Variants in CCDC62 observed in about 807,000 individuals in gnomAD.
CCDC62 encodes the protein coiled-coil domain-containing protein 62.
A neutral mutation model predicts 80.8 loss-of-function variants in CCDC62; 72 were observed. That is an observed-to-expected ratio of 0.89 (90% CI 0.74 to 1.08). The LOEUF is 1.08. Among genes scored for constraint, CCDC62 ranks in the 50% least tolerant of loss-of-function variants. CCDC62 has a pLI of 0.00. For missense variants in CCDC62, 704 were observed against 809.4 expected (o/e 0.87, Z 1.58); for synonymous variants, 286 against 296.5 (o/e 0.96, Z 0.36).
Position 122,774,698 on chromosome 12 carries a change from G to A in CCDC62, c.28G>A (p.Gly10Arg), listed in dbSNP as rs768433124. 2.4e-6 allele frequency: 3 copies of A among 1,256,856 alleles called. No individual in the cohort carries two copies. Among genetic ancestry groups the A allele is most frequent in the Non-Finnish European group, 2.0e-6 (2 of 991,736 alleles). 77.9% of individuals were successfully genotyped at this position (1,256,856 alleles called of 1,614,324 possible). The stretch of plus-strand genomic sequence containing the variant: ...GAACCCTCCGGCAGCCTTCCTTGCC[G>A]GGCGCCAGGTAAGCAGCGGTTCCGG... MNPPAAFLA[G>R]RQNIGSEVEI... Residue 10 changes from glycine to arginine, a missense_variant, in exon 1 of 13, where the codon GGG (glycine) becomes AGG (arginine). Physicochemically the swap from Gly to Arg is moderately radical, Grantham distance 125 (BLOSUM62 -2). Coordinates refer to ENST00000253079, the MANE Select transcript of CCDC62 (RefSeq NM_201435.5).
intron 4 of CCDC62, among the ~76,000 whole-genome samples, chr12:122,787,748 T>TG (rs1347156128): frequency 6.7e-6 from 1 of 149,392 alleles, no homozygotes; most frequent in Non-Finnish European, 1.5e-5. Flanking sequence ...AGACTTCATC[T>TG]GGAAAAAAAA....
intron 6 of CCDC62, among the ~76,000 whole-genome samples, chr12:122,794,301 C>T (rs1371467889): frequency 1.3e-5 from 2 of 152,034 alleles, no homozygotes; most frequent in African/African-American, 2.4e-5. Flanking sequence ...CTCAAGTGAT[C>T]CTCCCACCTC....
chr12:122,816,183 A>G (rs2032156067), intron 11 of CCDC62, among the ~76,000 whole-genome samples: 1 of 152,228 alleles, frequency 6.6e-6, no homozygotes, highest in Non-Finnish European at 1.5e-5. Context: ...AACTTTTCAA[A>G]GTGGAAACCG....
chr12:122,800,063 A>G (rs2031199637), intron 8 of CCDC62, among the ~76,000 whole-genome samples: 1 of 151,596 alleles, frequency 6.6e-6, no homozygotes. Context: ...GTGCAACCTC[A>G]GCTCACTGCA....
chr12:122,800,019 G>T (rs932517548), intron 8 of CCDC62, among the ~76,000 whole-genome samples: 1 of 151,850 alleles, frequency 6.6e-6, no homozygotes, highest in African/African-American at 2.4e-5. Context: ...TTTGAGATGG[G>T]GTCTTGCTCT....
rs1290709261 is a variant in CCDC62 at position 122,826,955 on chromosome 12, C to G, written c.*574C>G. Reference sequence around the variant, plus strand: ...AATATAAAATGTAACTGGAAAATAGCTCGAGGTCCTTCTGTCCCAAGCTGA... The same window carrying G: ...AATATAAAATGTAACTGGAAAATAGGTCGAGGTCCTTCTGTCCCAAGCTGA... On this transcript the variant is annotated 3_prime_UTR_variant, in exon 13 of 13. Transcript: ENST00000253079. 6.6e-6 allele frequency: 1 copy of G among 152,528 alleles called. No individual in the cohort carries two copies. Among genetic ancestry groups the G allele is most frequent in the African/African-American group, 2.4e-5 (1 of 41,422 alleles). 9.4% of individuals were successfully genotyped at this position (152,528 alleles called of 1,614,324 possible).
intron 5 of CCDC62, among the ~76,000 whole-genome samples, chr12:122,789,734 C>T (rs1420579425): frequency 1.3e-5 from 2 of 152,084 alleles, no homozygotes; most frequent in Admixed American, 6.5e-5. Context: ...CACACCCAGC[C>T]GATCTTTGCT....
At chr12:122,822,060 AACACACACACACAC>A (rs58108370) in intron 11 of CCDC62, among the ~76,000 whole-genome samples, 1 of 115,764 alleles carries the variant, frequency 8.6e-6, no homozygotes, top group Non-Finnish European at 1.7e-5. Flanking sequence ...TATAAATTTA[AACACACACACACAC>A]ACACACACAC....
intron 10 of CCDC62, among the ~76,000 whole-genome samples, chr12:122,806,633 C>T (rs2031622084): frequency 6.6e-6 from 1 of 151,806 alleles, no homozygotes; most frequent in African/African-American, 2.4e-5. Flanking sequence ...CACATGCCAC[C>T]ACGCCCAGCT....
At chr12:122,793,714 C>T (rs2030769906) in intron 6 of CCDC62, among the ~76,000 whole-genome samples, 1 of 152,008 alleles carries the variant, frequency 6.6e-6, no homozygotes. Context: ...CTCGGCCTCT[C>T]AAAATGCTGG....
At chr12:122,798,654 A>G (rs563005684) in intron 8 of CCDC62, among the ~76,000 whole-genome samples, 5 of 151,070 alleles carry the variant, frequency 3.3e-5, no homozygotes, top group Non-Finnish European at 7.4e-5. Flanking sequence ...GTTCGCGGGT[A>G]TATGTAATCC....
intron 12 of CCDC62, among the ~76,000 whole-genome samples, chr12:122,824,747 G>A (rs1347004670): frequency 3.9e-5 from 6 of 152,110 alleles, no homozygotes; most frequent in African/African-American, 1.2e-4. Context: ...GCAAAAATAC[G>A]GAACCAGCGC....
chr12:122,775,407 C>G (rs1879377960), intron 1 of CCDC62, among the ~76,000 whole-genome samples: 1 of 152,154 alleles, frequency 6.6e-6, no homozygotes, highest in African/African-American at 2.4e-5. Flanking sequence ...TTTGTGTACT[C>G]GGCTTACTGC....
At chr12:122,819,563 C>T (rs1483531929) in intron 11 of CCDC62, among the ~76,000 whole-genome samples, 1 of 152,134 alleles carries the variant, frequency 6.6e-6, no homozygotes, top group Non-Finnish European at 1.5e-5. Context: ...CATTGCTTTA[C>T]AATAGCAAAT....
chr12:122,823,565 A>C (rs898006938), intron 12 of CCDC62, 106 bp downstream of exon 12: 9 of 633,884 alleles, frequency 1.4e-5, no homozygotes, highest in Non-Finnish European at 1.4e-5. Flanking sequence ...TTTGACTTGT[A>C]ATACTTTCTC....
intron 6 of CCDC62, among the ~76,000 whole-genome samples, chr12:122,796,163 A>AT (rs145540220): frequency 8.6e-5 from 13 of 150,456 alleles, no homozygotes; most frequent in South Asian, 4.2e-4. Flanking sequence ...ATATACATAT[A>AT]TTTTTTTTTT....
At chr12:122,818,337 C>T (rs563097937) in intron 11 of CCDC62, among the ~76,000 whole-genome samples, 9 of 151,692 alleles carry the variant, frequency 5.9e-5, no homozygotes, top group South Asian at 2.1e-4. Context: ...CCTGTAGTCC[C>T]GGCTACTTGA....
chr12:122,788,521 C>G (rs2030404294), intron 4 of CCDC62, among the ~76,000 whole-genome samples: 1 of 152,172 alleles, frequency 6.6e-6, no homozygotes, highest in African/African-American at 2.4e-5. Flanking sequence ...GGTGGCTCCA[C>G]CACTAACTAG....
At chr12:122,791,090 C>G (rs1197087869) in intron 5 of CCDC62, among the ~76,000 whole-genome samples, 1 of 152,126 alleles carries the variant, frequency 6.6e-6, no homozygotes, top group African/African-American at 2.4e-5. Flanking sequence ...AGTGCAGTAG[C>G]AAGGCTTCTC....
Sources: allele counts gnomAD v4.1 joint callset (sites outside exome capture counted in the v4.1 genomes callset), GRCh38; gene constraint gnomAD v4.1.1; transcripts MANE v1.5; gene names NCBI Gene and HGNC (gene_info 2026-07-23, HGNC 2026-07-21).